Variants in ATPAF1 observed in about 807,000 individuals in gnomAD.
ATPAF1 encodes homolog of yeast ATP11.
In ATPAF1, 26 loss-of-function variants were observed where a neutral mutation model predicts 43.9. The ratio of observed to expected loss-of-function variants is 0.59; its 90% CI spans 0.43 to 0.82. ATPAF1 has a LOEUF of 0.82. ATPAF1 is among the 40% of genes least tolerant of loss of function. The pLI is 0.00. For missense variants in ATPAF1, 366 were observed against 435.0 expected, an observed-to-expected ratio of 0.84 and a Z score of 1.41; for synonymous variants, 157 against 168.0, an observed-to-expected ratio of 0.93 and a Z score of 0.50.
At chr1:46,663,180 CATT>C (rs1387899227) in intron 2 of ATPAF1, among the ~76,000 whole-genome samples, 1 of 152,176 alleles carries the variant, frequency 6.6e-6, no homozygotes, top group Non-Finnish European at 1.5e-5. Flanking sequence ...TTCAGTCTAT[CATT>C]GTTGGACATT....
At chr1:46,661,995 C>A (rs535083424) in intron 2 of ATPAF1, among the ~76,000 whole-genome samples, 1 of 151,728 alleles carries the variant, frequency 6.6e-6, no homozygotes, top group African/African-American at 2.4e-5. Flanking sequence ...CCTGGCTCCA[C>A]GCCATTCTCC....
Position 46,668,338 on chromosome 1 carries a change from CT to C in ATPAF1, c.-17del. On this transcript the variant is annotated 5_prime_UTR_variant, in exon 1 of 9. Coordinates refer to ENST00000574428, the Ensembl canonical transcript of ATPAF1. This position sits in a 1 kb window ranked among gnomAD's most constrained non-coding sequence, Gnocchi z 4.4. ...CAGCAGCCATGGCCGCCCCCGCCTC[CT>C]CCTCCTCCTCAGGCGCGTCGGCCTC... 7.4e-7 allele frequency: 1 copy of C among 1,349,548 alleles called. No homozygotes were observed. Among genetic ancestry groups the C allele is most frequent in the South Asian group, 1.7e-5 (1 of 58,248 alleles). The allele number at this position is 1,349,548 out of a possible 1,614,324, so 83.6% of individuals were successfully genotyped here. A position where few individuals can be genotyped will look rare whatever the true frequency, so the allele number is the denominator to read the frequency against.
intron 2 of ATPAF1, among the ~76,000 whole-genome samples, chr1:46,661,297 G>A (rs1676382747): frequency 1.3e-5 from 2 of 152,042 alleles, no homozygotes; most frequent in South Asian, 4.1e-4. Context: ...GGCTGGTCTC[G>A]AACTCCTGAC....
At chr1:46,658,696 A>G in exon 3 of ATPAF1, 3 of 1,601,700 alleles carry the variant, frequency 1.9e-6, no homozygotes, top group Non-Finnish European at 2.6e-6. Context: ...CCTTGTCCTT[A>G]GTGAATCCTC....
At chr1:46,654,161 T>C (rs116658198) in intron 4 of ATPAF1, among the ~76,000 whole-genome samples, 1,714 of 152,300 alleles carry the variant, frequency 0.011, 19 homozygotes, top group South Asian at 0.015. Context: ...CAACTTCTTT[T>C]TTTTCACATT....
chr1:46,663,829 C>T (rs1676441425), intron 2 of ATPAF1: 5 of 1,205,896 alleles, frequency 4.1e-6, no homozygotes, highest in Non-Finnish European at 5.3e-6. Flanking sequence ...TCTACTGTAA[C>T]TACCTTAATT....
rs1569648514 is a variant in ATPAF1, at chr1:46,668,130, C to T, written c.193G>A (p.Val65Ile). ...GCCTGGAGCTCGGCCTCGGCCCCGA[C>T]CCCGCTGCTGTCGGCGCCCCCCTCG... The change falls in exon 1 of 9, where the codon GTC becomes ATC. Residue 65 changes from valine (V) to isoleucine (I), a missense_variant. By Grantham distance (29) the Val-to-Ile change is conservative (BLOSUM62 3). Transcript: ENST00000574428. This position sits in a 1 kb window ranked among gnomAD's most constrained non-coding sequence, Gnocchi z 4.4. The T allele has an allele frequency of 7.0e-7, 1 of 1,423,724 alleles. No individual in the cohort carries two copies. The highest frequency in any genetic ancestry group is 9.2e-7 in the Non-Finnish European group (1 of 1,088,440). 88.2% of individuals were successfully genotyped at this position (1,423,724 alleles called of 1,614,324 possible).
At chr1:46,660,265 C>T (rs1006608249) in intron 2 of ATPAF1, among the ~76,000 whole-genome samples, 1 of 152,180 alleles carries the variant, frequency 6.6e-6, no homozygotes, top group African/African-American at 2.4e-5. Context: ...GCATGAGCCA[C>T]TGTGCCTGAT....
intron 2 of ATPAF1, among the ~76,000 whole-genome samples, chr1:46,661,389 T>C (rs898646196): frequency 2.6e-5 from 4 of 152,196 alleles, no homozygotes; most frequent in Non-Finnish European, 5.9e-5. Flanking sequence ...TTAGAGTTTT[T>C]ATAATTATCA....
downstream of ATPAF1, chr1:46,633,025 G>A (rs967359868): frequency 6.5e-6 from 1 of 152,698 alleles, no homozygotes; most frequent in African/African-American, 2.4e-5. Flanking sequence ...AGATAAGGCA[G>A]TGGTTCTCAA....
At chr1:46,633,599 C>A (rs1675788000), downstream of ATPAF1, 1 of 409,360 alleles carries the variant, frequency 2.4e-6, no homozygotes, top group South Asian at 1.8e-5. Context: ...TCTTTGAGTT[C>A]TTTGCCAGAT....
chr1:46,641,321 C>T (rs1675945552), intron 8 of ATPAF1, among the ~76,000 whole-genome samples: 2 of 151,924 alleles, frequency 1.3e-5, no homozygotes, highest in Admixed American at 6.6e-5. Context: ...TCAAGCAATC[C>T]ACCCACCTTG....
At position 46,653,836 on chromosome 1, in the gene ATPAF1, G is replaced by C. The variant is rs1266432940; in HGVS notation, c.521C>G (p.Thr174Arg). 6.2e-7 allele frequency: 1 copy of C among 1,610,798 alleles called. No individual in the cohort carries two copies. The highest frequency in any genetic ancestry group is 1.3e-5 in the African/African-American group (1 of 74,824). The change falls in exon 5 of 9, where the codon ACA becomes AGA. Residue 174 changes from threonine to arginine, a missense_variant. Physicochemically the swap from Thr to Arg is moderately conservative, Grantham distance 71. This residue lies in a region of ATPAF1 where 180 missense variants were observed against 266.5 expected (regional missense o/e 0.68). Transcript: ENST00000574428. This position sits in a 1 kb window ranked among gnomAD's most constrained non-coding sequence, Gnocchi z 4.8. ...ACTTACAGGAATAACTGCGTAGACT[G>C]TATCTTTTGCTGCAAAATATTGCTG...
rs115425129 is a variant in ATPAF1, at chr1:46,667,743, T to C, written c.266+314A>G. On this transcript the variant is annotated intron_variant, in intron 1 of 8. Transcript: ENST00000574428. ...GTCAAGTCCCTTCTCTAGAAGGCGT[T>C]TTCCCATTTCTATAATGAGGACAGG... is the stretch of plus-strand genomic sequence containing the variant. 3.9e-3 allele frequency among the ~76,000 whole-genome samples: 599 copies of C among 152,276 alleles called. 4 individuals carry two copies. Among genetic ancestry groups the C allele is most frequent in the African/African-American group, 0.014 (565 of 41,566 alleles).
At chr1:46,642,390 C>A (rs1675965957) in intron 8 of ATPAF1, among the ~76,000 whole-genome samples, 1 of 152,178 alleles carries the variant, frequency 6.6e-6, no homozygotes, top group Non-Finnish European at 1.5e-5. Context: ...CTGAACTTAA[C>A]CTCTGCCAGA....
chr1:46,650,437 T>C (rs1676142870), intron 6 of ATPAF1, among the ~76,000 whole-genome samples: 1 of 146,446 alleles, frequency 6.8e-6, no homozygotes, highest in South Asian at 2.2e-4. Flanking sequence ...CGTAAATTAG[T>C]ATAGCCATTA....
At chr1:46,652,613 A>G in exon 6 of ATPAF1, 1 of 1,613,294 alleles carries the variant, frequency 6.2e-7, no homozygotes, top group Non-Finnish European at 8.5e-7. Flanking sequence ...TTCCAGATCA[A>G]ATCAAACTTT....
chr1:46,660,719 A>G (rs1440488), intron 2 of ATPAF1, among the ~76,000 whole-genome samples: 60,790 of 151,558 alleles, frequency 0.4, 13,999 homozygotes, highest in East Asian at 0.78. Context: ...TTAAATGGGT[A>G]TTTTACTTCC....
At chr1:46,665,773 C>T in intron 1 of ATPAF1, 1 of 1,502,892 alleles carries the variant, frequency 6.7e-7, no homozygotes, top group Non-Finnish European at 8.8e-7. Flanking sequence ...TATGTCCCCC[C>T]AACCAGGTTA....
Sources: gnomAD v4.1 joint callset for allele counts (sites outside exome capture counted in the v4.1 genomes callset) on GRCh38, gnomAD v4.1.1 for gene constraint, gnomAD v4.1.1 regional missense constraint, Gnocchi (gnomAD v3.1) non-coding constraint, MANE v1.5 for transcripts, NCBI Gene and HGNC (gene_info 2026-07-23, HGNC 2026-07-21) for gene names.